MACROD2: variants seen among roughly 807,000 people sequenced by gnomAD.
MACROD2 encodes mono-ADP ribosylhydrolase 2, also known as ADP-ribose glycohydrolase MACROD2.
Under a neutral mutation model 70.4 loss-of-function variants are expected in MACROD2, and 36 were observed. That is an observed-to-expected ratio of 0.51 (90% confidence interval 0.39 to 0.68). The LOEUF (loss-of-function observed/expected upper bound fraction) is 0.68, where lower values mean the gene tolerates loss of function less well. MACROD2 is among the 30% of genes least tolerant of loss of function. The pLI, the probability that MACROD2 is intolerant of heterozygous loss-of-function variation, is 0.00. For synonymous variants in MACROD2, 172 were observed against 178.8 expected (o/e 0.96, Z 0.30); for missense variants, 496 against 538.4 (o/e 0.92, Z 0.78).
At chr20:15,096,049 C>T (rs2075829133) in intron 5 of MACROD2, among the ~76,000 whole-genome samples, 1 of 151,996 alleles carries the variant, frequency 6.6e-6, no homozygotes, top group Non-Finnish European at 1.5e-5. Flanking sequence ...GAGTGTTTTT[C>T]CCCCCAGGTG....
At chr20:14,350,659 C>T (rs951396481) in intron 3 of MACROD2, among the ~76,000 whole-genome samples, 2 of 152,024 alleles carry the variant, frequency 1.3e-5, no homozygotes, top group Non-Finnish European at 2.9e-5. Context: ...GGTTATTAAT[C>T]CCTTGTCAGA....
chr20:14,537,952 T>A (rs919222479), intron 4 of MACROD2, among the ~76,000 whole-genome samples: 3 of 152,188 alleles, frequency 2.0e-5, no homozygotes, highest in African/African-American at 7.2e-5. Flanking sequence ...TTGCCTCTTC[T>A]CAAATGTGGA....
intron 8 of MACROD2, among the ~76,000 whole-genome samples, chr20:15,860,868 A>G (rs2064415627): frequency 6.6e-6 from 1 of 152,200 alleles, no homozygotes. Flanking sequence ...TGAATTGGGC[A>G]GCTCCAAATT....
intron 5 of MACROD2, among the ~76,000 whole-genome samples, chr20:15,103,071 G>A (rs1489622072): frequency 6.6e-6 from 1 of 152,054 alleles, no homozygotes; most frequent in African/African-American, 2.4e-5. Context: ...ACAAAATTCA[G>A]CATTGTGAAG....
intron 5 of MACROD2, among the ~76,000 whole-genome samples, chr20:14,778,283 C>T (rs1481774384): frequency 6.6e-6 from 1 of 151,826 alleles, no homozygotes; most frequent in East Asian, 1.9e-4. Flanking sequence ...CTCTTTACAT[C>T]TCTGTCATTG....
intron 5 of MACROD2, among the ~76,000 whole-genome samples, chr20:14,999,291 A>G (rs958162456): frequency 1.3e-5 from 2 of 152,214 alleles, no homozygotes; most frequent in African/African-American, 2.4e-5. Flanking sequence ...ACTCATCTTC[A>G]GTAGGAAGAC....
chr20:15,114,539 C>T (rs1374695802), intron 5 of MACROD2, among the ~76,000 whole-genome samples: 1 of 152,080 alleles, frequency 6.6e-6, no homozygotes, highest in Non-Finnish European at 1.5e-5. Context: ...TATTGACAGT[C>T]ATGTGAGCCT....
chr20:14,184,974 G>T (rs1331206580), intron 3 of MACROD2, among the ~76,000 whole-genome samples: 1 of 151,964 alleles, frequency 6.6e-6, no homozygotes, highest in Non-Finnish European at 1.5e-5. Flanking sequence ...TTGTTTACTT[G>T]TTGACTATTC....
chr20:14,540,774 TAGAG>T (rs1295825905), intron 4 of MACROD2, among the ~76,000 whole-genome samples: 1 of 152,176 alleles, frequency 6.6e-6, no homozygotes, highest in Non-Finnish European at 1.5e-5. Context: ...TCAGCACCCT[TAGAG>T]AGGCTGGCAA....
Position 15,186,591 on chromosome 20 carries a change from A to G in MACROD2, c.419-43349A>G, listed in dbSNP as rs188797011. On this transcript the variant is annotated intron_variant, in intron 5 of 17. Transcript: ENST00000684519. ...TACCCAAATATACAATAGTATATGT[A>G]TGAATGCATTATTGGGTTAAATCTG... 2.6e-5 allele frequency among the ~76,000 whole-genome samples: 4 copies of G among 152,324 alleles called. No individual in the cohort carries two copies. The East Asian group carries it at 7.7e-4, about 29-fold the overall frequency.
At chr20:14,232,363 T>A (rs1194136883) in intron 3 of MACROD2, among the ~76,000 whole-genome samples, 1 of 152,238 alleles carries the variant, frequency 6.6e-6, no homozygotes, top group African/African-American at 2.4e-5. Context: ...CCCCTCTGGC[T>A]ATGAAAATCC....
intron 10 of MACROD2, among the ~76,000 whole-genome samples, chr20:15,910,741 C>T (rs1016798023): frequency 4.6e-5 from 7 of 152,022 alleles, no homozygotes; most frequent in South Asian, 2.1e-4. Flanking sequence ...CCCAAGGTGT[C>T]GCCAATGTGA....
intron 3 of MACROD2, among the ~76,000 whole-genome samples, chr20:14,363,832 A>T (rs2083247566): frequency 6.7e-6 from 1 of 149,982 alleles, no homozygotes; most frequent in African/African-American, 2.4e-5. Flanking sequence ...AAAAAAAAAA[A>T]AAAAAAAAAA....
chr20:14,671,487 C>T (rs2070794029), intron 4 of MACROD2, among the ~76,000 whole-genome samples: 1 of 152,046 alleles, frequency 6.6e-6, no homozygotes, highest in South Asian at 2.1e-4. Context: ...GTCACTGTTT[C>T]TTGGGTATCT....
At chr20:15,851,899 A>C (rs2064303054) in intron 8 of MACROD2, among the ~76,000 whole-genome samples, 1 of 152,154 alleles carries the variant, frequency 6.6e-6, no homozygotes, top group Admixed American at 6.5e-5. Flanking sequence ...ATTGTCCTGA[A>C]GGGAGGGGCA....
intron 5 of MACROD2, among the ~76,000 whole-genome samples, chr20:14,942,406 T>G (rs2074397931): frequency 6.6e-6 from 1 of 151,994 alleles, no homozygotes; most frequent in Non-Finnish European, 1.5e-5. Flanking sequence ...CTCCTTCTTC[T>G]TCTCCTCTTC....
chr20:16,049,937 A>C lies in MACROD2; in HGVS notation c.*61A>C. On this transcript the variant is annotated 3_prime_UTR_variant, in exon 18 of 18. Coordinates refer to ENST00000684519, the MANE Select transcript of MACROD2 (RefSeq NM_001351661.2). ...GGGGAGCTCGGGAAGATAGCAGCAC[A>C]CGCTGTGGAGGAGGGTGGGGGTGGG... The C allele has an allele frequency of 5.9e-6, 2 of 340,516 alleles. No individual in the cohort carries two copies. Among genetic ancestry groups the C allele is most frequent in the Non-Finnish European group, 1.1e-5 (2 of 179,482 alleles). 21.1% of individuals were successfully genotyped at this position (340,516 alleles called of 1,614,324 possible).
At position 15,154,926 on chromosome 20, in the gene MACROD2, A is replaced by G. The variant is rs551568021; in HGVS notation, c.419-75014A>G. Among the ~76,000 whole-genome samples the G allele has an allele frequency of 1.1e-3, 169 of 152,210 alleles. 1 individual carries two copies. The highest frequency in any genetic ancestry group is 3.5e-3 in the African/African-American group (145 of 41,586). On this transcript the variant is annotated intron_variant, in intron 5 of 17. Transcript: ENST00000684519. Reference sequence around the variant, plus strand: ...AAATGGTTCACTTGAGTGAGGCAAGATGATCAGTGGGGAAAAGAGTGAGAT... The same window carrying G: ...AAATGGTTCACTTGAGTGAGGCAAGGTGATCAGTGGGGAAAAGAGTGAGAT...
chr20:15,577,089 C>T (rs546668827), intron 8 of MACROD2, among the ~76,000 whole-genome samples: 47 of 151,722 alleles, frequency 3.1e-4, no homozygotes, highest in African/African-American at 9.2e-4. Flanking sequence ...TGTCATATTA[C>T]GAATGCAAAA....
Sources: gnomAD v4.1 joint callset for allele counts (sites outside exome capture counted in the v4.1 genomes callset) on GRCh38, gnomAD v4.1.1 for gene constraint, MANE v1.5 for transcripts, NCBI Gene and HGNC (gene_info 2026-07-23, HGNC 2026-07-21) for gene names.